DPY19L3: variants seen among roughly 807,000 people sequenced by gnomAD.
The protein encoded by DPY19L3 is protein C-mannosyl-transferase DPY19L3.
In DPY19L3, 51 loss-of-function variants were observed where a neutral mutation model predicts 92.3. The ratio of observed to expected loss-of-function variants is 0.55; its 90% confidence interval spans 0.44 to 0.70. DPY19L3 has a LOEUF of 0.70. DPY19L3 is among the 30% of genes least tolerant of loss of function. The pLI is 0.00. For synonymous variants in DPY19L3, 309 were observed against 315.2 expected, an observed-to-expected ratio of 0.98 and a Z score of 0.21; for missense variants, 706 against 855.9, an observed-to-expected ratio of 0.82 and a Z score of 2.18.
In DPY19L3 at chr19:32,415,462, G is replaced by A. The variant is rs1968347515; in HGVS notation, c.237+4090G>A. 2.0e-5 allele frequency among the ~76,000 whole-genome samples: 3 copies of A among 152,286 alleles called. No individual in the cohort carries two copies. The South Asian group carries it at 6.2e-4, about 32-fold the overall frequency. ...CCTGGCTAGAGAGTACAAGGGGAGA[G>A]GGGATGTACTGGGAATGGTAAACAG... On this transcript the variant is annotated intron_variant, in intron 3 of 18. Transcript: ENST00000392250.
intron 3 of DPY19L3, among the ~76,000 whole-genome samples, chr19:32,432,364 T>C (rs1220302033): frequency 1.3e-5 from 2 of 152,202 alleles, no homozygotes; most frequent in African/African-American, 4.8e-5. Flanking sequence ...TTATGTAATA[T>C]TGGTAGCTTT....
At chr19:32,468,642 G>A in intron 15 of DPY19L3, 89 bp from the exon 16 acceptor site, 1 of 1,547,554 alleles carries the variant, frequency 6.5e-7, no homozygotes, top group African/African-American at 1.4e-5. Context: ...CACATTATAT[G>A]CAGTTTATCT....
rs560350896 is a variant in DPY19L3 at position 32,473,239 on chromosome 19, C to T, written c.1698-4283C>T. 1.2e-4 allele frequency among the ~76,000 whole-genome samples: 18 copies of T among 152,322 alleles called. No individual in the cohort carries two copies. The East Asian group carries it at 3.3e-3, about 28-fold the overall frequency. ...TGTCATTATTTAGTGACATTTCTTACAGAACAAATTGTGTGCAGGTTGGGC... is the reference window on the plus strand; with the variant it reads ...TGTCATTATTTAGTGACATTTCTTATAGAACAAATTGTGTGCAGGTTGGGC... On this transcript the variant is annotated intron_variant, in intron 16 of 18. Transcript: ENST00000392250.
rs2145650084 is a variant in DPY19L3, at chr19:32,483,069, A to G, written c.*829A>G. 6.6e-6 allele frequency: 1 copy of G among 152,238 alleles called. No homozygotes were observed. The highest frequency in any genetic ancestry group is 1.5e-5 in the Non-Finnish European group (1 of 68,006). 9.4% of individuals were successfully genotyped at this position (152,238 alleles called of 1,614,324 possible). A position where few individuals can be genotyped will look rare whatever the true frequency, so the allele number is the denominator to read the frequency against. The stretch of plus-strand genomic sequence containing the variant: ...AATAGTTTTGCTTTATTTCTTACTC[A>G]TTTCAATTTATTGGGTTTGCAAAAT... On this transcript the variant is annotated 3_prime_UTR_variant, in exon 19 of 19. Coordinates refer to ENST00000392250, the MANE Select transcript of DPY19L3 (RefSeq NM_001172774.2).
chr19:32,411,407 C>T (rs370335227), intron 3 of DPY19L3, 35 bp downstream of exon 3: 2 of 1,611,700 alleles, frequency 1.2e-6, no homozygotes, highest in East Asian at 2.2e-5. Context: ...ATCATTCACT[C>T]AGTGGGATCT....
chr19:32,482,037 AATTTTCCCCCCAAATTGT>A, intron 18 of DPY19L3, 24 bp from the exon 19 acceptor site: 1 of 1,596,464 alleles, frequency 6.3e-7, no homozygotes. Flanking sequence ...TTGTAAATAG[AATTTTCCCCCCAAATTGT>A]ATTTGGGTTT....
At chr19:32,475,405 T>C (rs370951155) in intron 16 of DPY19L3, among the ~76,000 whole-genome samples, 1 of 152,330 alleles carries the variant, frequency 6.6e-6, no homozygotes, top group Admixed American at 6.5e-5. Flanking sequence ...TCATGTTCTC[T>C]CTGCATCCTA....
In DPY19L3 at chr19:32,483,867, C is replaced by T. The variant is rs1367789268; in HGVS notation, c.*1627C>T. Reference sequence around the variant, plus strand: ...TAATTAAGCCAATAATGATGCATGCCTGTTGTAGCTGACAGCATGGGTCAG... The same window carrying T: ...TAATTAAGCCAATAATGATGCATGCTTGTTGTAGCTGACAGCATGGGTCAG... On this transcript the variant is annotated 3_prime_UTR_variant, in exon 19 of 19. Coordinates refer to ENST00000392250, the MANE Select transcript of DPY19L3 (RefSeq NM_001172774.2). 6.6e-6 allele frequency: 1 copy of T among 152,628 alleles called. No homozygotes were observed. The allele number at this position is 152,628 out of a possible 1,614,324, so 9.5% of individuals were successfully genotyped here.
intron 3 of DPY19L3, among the ~76,000 whole-genome samples, chr19:32,426,536 C>T (rs1008889492): frequency 2.6e-5 from 4 of 152,138 alleles, no homozygotes; most frequent in Non-Finnish European, 5.9e-5. Context: ...TTCCTTTCGA[C>T]GCTTAGAGGC....
chr19:32,425,338 G>T (rs2145446111), intron 3 of DPY19L3, among the ~76,000 whole-genome samples: 1 of 152,204 alleles, frequency 6.6e-6, no homozygotes, highest in South Asian at 2.1e-4. Context: ...ATCACTTGAG[G>T]TCAGGAGTTC....
At chr19:32,419,412 C>T (rs1219967556) in intron 3 of DPY19L3, among the ~76,000 whole-genome samples, 4 of 152,000 alleles carry the variant, frequency 2.6e-5, no homozygotes, top group East Asian at 1.9e-4. Flanking sequence ...CCACCCGCCT[C>T]GGCCTCCCAA....
At chr19:32,471,924 G>C (rs957659054) in intron 16 of DPY19L3, among the ~76,000 whole-genome samples, 1 of 152,170 alleles carries the variant, frequency 6.6e-6, no homozygotes, top group African/African-American at 2.4e-5. Context: ...ATCTGAAGTT[G>C]TGCACTTATT....
intron 8 of DPY19L3, among the ~76,000 whole-genome samples, chr19:32,442,508 T>A (rs1485508368): frequency 6.6e-6 from 1 of 152,156 alleles, no homozygotes; most frequent in Non-Finnish European, 1.5e-5. Context: ...ACAGTATATG[T>A]ATATAACAAA....
At chr19:32,419,813 T>C (rs1183319685) in intron 3 of DPY19L3, among the ~76,000 whole-genome samples, 4 of 152,056 alleles carry the variant, frequency 2.6e-5, no homozygotes, top group Admixed American at 6.6e-5. Context: ...CCTACTTTTT[T>C]ACTGCCCTTT....
At chr19:32,470,904 T>C (rs1407777434) in intron 16 of DPY19L3, among the ~76,000 whole-genome samples, 2 of 149,678 alleles carry the variant, frequency 1.3e-5, no homozygotes, top group African/African-American at 2.5e-5. Context: ...ATCTAAATAA[T>C]ATTTTTGTAA....
At position 32,480,470 on chromosome 19, in the gene DPY19L3, C is replaced by T. The variant is rs1036301302; in HGVS notation, c.1902C>T (p.Tyr634=). Residue 634 remains tyrosine, a synonymous_variant, in exon 18 of 19, where the codon TAC becomes TAT. Transcript: ENST00000392250. ...TCCTAAGGTCCTTCGGCACTGACTACGTAATCCTGGAAGACAGCATCTGCT... is the reference window on the plus strand; with the variant it reads ...TCCTAAGGTCCTTCGGCACTGACTATGTAATCCTGGAAGACAGCATCTGCT... ...HALLRSFGTD[Y]VILEDSICYE... is the part of the protein sequence containing the mutation. 9 of 1,614,084 alleles carry T rather than the reference C, an allele frequency of 5.6e-6. No individual in the cohort carries two copies. Among genetic ancestry groups the T allele is most frequent in the Admixed American group, 3.3e-5 (2 of 60,010 alleles).
intron 3 of DPY19L3, among the ~76,000 whole-genome samples, chr19:32,418,044 A>G (rs375873997): frequency 6.6e-6 from 1 of 152,154 alleles, no homozygotes; most frequent in African/African-American, 2.4e-5. Context: ...ACCATCTTGT[A>G]GATGTGTGGG....
At chr19:32,441,059 C>T (rs935902360) in intron 8 of DPY19L3, among the ~76,000 whole-genome samples, 1 of 152,116 alleles carries the variant, frequency 6.6e-6, no homozygotes, top group African/African-American at 2.4e-5. Flanking sequence ...TGCTGGTAAC[C>T]TATACACTCC....
chr19:32,436,502 C>T lies in DPY19L3; in HGVS notation c.385C>T (p.Leu129Phe). 1 of 1,578,346 alleles carries T rather than the reference C, an allele frequency of 6.3e-7. No homozygotes were observed. The highest frequency in any genetic ancestry group is 1.1e-5 in the South Asian group (1 of 87,838). The change falls in exon 5 of 19, where the codon CTT becomes TTT. Residue 129 changes from leucine to phenylalanine, a missense_variant. Transcript: ENST00000392250. ...TGAATCTATGAAGACAATTAACCTCCTTCAGCGAATGAATATTTACCAAGA... is the reference window on the plus strand; with the variant it reads ...TGAATCTATGAAGACAATTAACCTCTTTCAGCGAATGAATATTTACCAAGA... ...KTESMKTINL[L>F]QRMNIYQEVF...
Sources: gnomAD v4.1 joint callset for allele counts (sites outside exome capture counted in the v4.1 genomes callset) on GRCh38, gnomAD v4.1.1 for gene constraint, MANE v1.5 for transcripts, NCBI Gene and HGNC (gene_info 2026-07-23, HGNC 2026-07-21) for gene names.